The following DENND5A variants were observed in gnomAD, a reference collection of about 807,000 sequenced individuals.
DENND5A encodes the protein DENN domain containing 5A.
Under a neutral mutation model 140.3 loss-of-function variants are expected in DENND5A, and 64 were observed. That is an observed-to-expected ratio of 0.46 (90% CI 0.37 to 0.56). The LOEUF is 0.56. Ranked by LOEUF, DENND5A falls within the 20% of genes least tolerant of loss-of-function variation. The pLI is 0.00. For missense variants in DENND5A, 1,292 were observed against 1,593.8 expected (o/e 0.81, Z 3.22); for synonymous variants, 605 against 607.7 (o/e 1.00, Z 0.07).
chr11:9,145,684 C>T lies in DENND5A; in HGVS notation c.2989G>A (p.Glu997Lys). 3.1e-6 allele frequency: 5 copies of T among 1,614,220 alleles called. No homozygotes were observed. The highest frequency in any genetic ancestry group is 4.2e-6 in the Non-Finnish European group (5 of 1,180,022). The change falls in exon 17 of 23, where the codon GAG becomes AAG. Residue 997 changes from glutamate (E) to lysine (K), a missense_variant. Transcript: ENST00000328194. ...QIMQIPRNVLEMTFECQNLGK... is the reference protein window; with the variant it reads ...QIMQIPRNVLKMTFECQNLGK... Reference sequence around the variant, plus strand: ...ATAACACATACCTCGAAGGTCATCTCTAGCACATTCCTGGGAATCTGCATG... The same window carrying T: ...ATAACACATACCTCGAAGGTCATCTTTAGCACATTCCTGGGAATCTGCATG...
chr11:9,249,878 T>A (rs1246655580), intron 1 of DENND5A, among the ~76,000 whole-genome samples: 2 of 151,998 alleles, frequency 1.3e-5, no homozygotes, highest in East Asian at 3.9e-4. Flanking sequence ...GTAGAGACAG[T>A]GTTGCACTAC....
chr11:9,243,957 C>T (rs894847137), intron 1 of DENND5A, among the ~76,000 whole-genome samples: 1 of 152,170 alleles, frequency 6.6e-6, no homozygotes, highest in Non-Finnish European at 1.5e-5. Flanking sequence ...TGTGAGACTA[C>T]AGTATATAAT....
chr11:9,150,939 T>C (rs10769996), intron 13 of DENND5A, among the ~76,000 whole-genome samples, 175 bp from the exon 14 acceptor site: 52,684 of 152,152 alleles, frequency 0.35, 9,495 homozygotes, highest in African/African-American at 0.42. Flanking sequence ...GAATTTTACA[T>C]TTTTATGGAT....
intron 1 of DENND5A, among the ~76,000 whole-genome samples, chr11:9,222,353 C>CA (rs1331899910): frequency 2.6e-5 from 4 of 151,764 alleles, no homozygotes; most frequent in African/African-American, 9.7e-5. Flanking sequence ...AAAATTTGAC[C>CA]AAAAAAATCC....
At chr11:9,169,806 G>T in intron 10 of DENND5A, 50 bp downstream of exon 10, 1 of 1,105,700 alleles carries the variant, frequency 9.0e-7, no homozygotes, top group Non-Finnish European at 1.4e-6. Context: ...AAGAGAAGGA[G>T]TGCACAGCAT....
At chr11:9,196,531 G>A (rs1041778445) in intron 4 of DENND5A, among the ~76,000 whole-genome samples, 6 of 152,110 alleles carry the variant, frequency 3.9e-5, no homozygotes, top group East Asian at 1.9e-4. Context: ...TACACACTTC[G>A]CTGTACACTC....
chr11:9,243,087 CAAA>C (rs539119487), intron 1 of DENND5A, among the ~76,000 whole-genome samples: 1 of 66,882 alleles, frequency 1.5e-5, no homozygotes. Context: ...GACTCTGTCT[CAAA>C]AAAAAAAAAA....
intron 1 of DENND5A, 141 bp downstream of exon 1, chr11:9,264,820 C>G: frequency 2.9e-6 from 2 of 686,242 alleles, no homozygotes; most frequent in Non-Finnish European, 4.8e-6. Flanking sequence ...GTCCAAAGCC[C>G]CCTTCGCCCG....
intron 11 of DENND5A, among the ~76,000 whole-genome samples, chr11:9,162,458 C>T (rs1848020059): frequency 6.6e-6 from 1 of 151,956 alleles, no homozygotes; most frequent in Non-Finnish European, 1.5e-5. Flanking sequence ...AGGCTGGTCT[C>T]AAACTCCCGA....
At chr11:9,218,010 C>T (rs1161298337) in intron 1 of DENND5A, among the ~76,000 whole-genome samples, 1 of 152,184 alleles carries the variant, frequency 6.6e-6, no homozygotes, top group Non-Finnish European at 1.5e-5. Flanking sequence ...TGCCTGTAAT[C>T]TCAGCACCAA....
intron 5 of DENND5A, among the ~76,000 whole-genome samples, chr11:9,192,261 C>T (rs1849152648): frequency 6.6e-6 from 1 of 152,168 alleles, no homozygotes; most frequent in African/African-American, 2.4e-5. Flanking sequence ...TGACACAGTG[C>T]TGCCCAGATC....
At chr11:9,160,563 A>G in intron 12 of DENND5A, 150 bp downstream of exon 12, 1 of 569,860 alleles carries the variant, frequency 1.8e-6, no homozygotes, top group Non-Finnish European at 2.9e-6. Flanking sequence ...TTTGGATCAC[A>G]TTTATTTAAT....
intron 11 of DENND5A, among the ~76,000 whole-genome samples, chr11:9,162,866 T>C (rs1391842399): frequency 8.6e-5 from 4 of 46,596 alleles, no homozygotes; most frequent in Admixed American, 7.0e-4. Context: ...TTTTGTGATT[T>C]TTTTTTTTTT....
chr11:9,170,163 C>T lies in DENND5A; in HGVS notation c.2058-214G>A, dbSNP rs180717365. On this transcript the variant is annotated intron_variant, in intron 9 of 22. Coordinates refer to ENST00000328194, the MANE Select transcript of DENND5A (RefSeq NM_015213.4). Reference sequence around the variant, plus strand: ...ACACCTCCTCATGGAACATGTCTCTCTTGAAACATCTACAAACACTTGACA... The same window carrying T: ...ACACCTCCTCATGGAACATGTCTCTTTTGAAACATCTACAAACACTTGACA... 2.0e-3 allele frequency: 1,252 copies of T among 618,780 alleles called. 2 individuals are homozygous for T. Among genetic ancestry groups the T allele is most frequent in the Non-Finnish European group, 2.2e-3 (1,085 of 495,226 alleles). The allele number at this position is 618,780 out of a possible 1,614,324, so 38.3% of individuals were successfully genotyped here.
chr11:9,230,284 A>G (rs1416858753), intron 1 of DENND5A, among the ~76,000 whole-genome samples: 1 of 109,114 alleles, frequency 9.2e-6, no homozygotes, highest in Non-Finnish European at 1.7e-5. Flanking sequence ...TTTTTCACCC[A>G]GGCCAAAGTG....
chr11:9,240,838 C>A (rs1330901987), intron 1 of DENND5A, among the ~76,000 whole-genome samples: 1 of 152,140 alleles, frequency 6.6e-6, no homozygotes, highest in East Asian at 1.9e-4. Flanking sequence ...TCCTGACAGG[C>A]AACTACCCAT....
At position 9,243,118 on chromosome 11, in the gene DENND5A, T is replaced by TAAAAAG. The variant is rs1478042311; in HGVS notation, c.109+21842_109+21843insCTTTTT. Among the ~76,000 whole-genome samples the TAAAAAG allele has an allele frequency of 3.9e-5, 3 of 77,498 alleles. 1 individual carries two copies. The highest frequency in any genetic ancestry group is 8.3e-5 in the Non-Finnish European group (3 of 36,188). The allele number at this position is 77,498 out of a possible 152,430, so 50.8% of individuals were successfully genotyped here. A position where few individuals can be genotyped will look rare whatever the true frequency, so the allele number is the denominator to read the frequency against. The stretch of plus-strand genomic sequence containing the variant: ...AAAAAAAAAAAACAAAAAAAAAAAC[T>TAAAAAG]GAGGCGAGTAAGGCTAATTGGAATA... On this transcript the variant is annotated intron_variant, in intron 1 of 22. Coordinates refer to ENST00000328194, the MANE Select transcript of DENND5A (RefSeq NM_015213.4).
intron 1 of DENND5A, among the ~76,000 whole-genome samples, chr11:9,243,407 C>T (rs1206803335): frequency 1.3e-5 from 2 of 152,112 alleles, no homozygotes; most frequent in African/African-American, 4.8e-5. Context: ...TTACACACTA[C>T]GGTTGACCCT....
intron 8 of DENND5A, chr11:9,171,780 T>G (rs1848382652): frequency 2.0e-5 from 3 of 151,760 alleles, no homozygotes; most frequent in African/African-American, 4.8e-5. Flanking sequence ...AGAAGATCAC[T>G]TGAGCCCAGG....
Sources: allele counts gnomAD v4.1 joint callset (sites outside exome capture counted in the v4.1 genomes callset), GRCh38; gene constraint gnomAD v4.1.1; transcripts MANE v1.5; gene names NCBI Gene and HGNC (gene_info 2026-07-23, HGNC 2026-07-21).